The following KCNQ5 variants were observed in gnomAD, a reference collection of about 807,000 sequenced individuals.
The protein encoded by KCNQ5 is potassium voltage-gated channel subfamily KQT member 5.
Under a neutral mutation model 98.2 loss-of-function variants are expected in KCNQ5, and 30 were observed. That is an observed-to-expected ratio of 0.31 (90% CI 0.23 to 0.41). The LOEUF is 0.41. Ranked by LOEUF, KCNQ5 falls within the 10% of genes least tolerant of loss-of-function variation. KCNQ5 has a pLI of 1.00. For missense variants in KCNQ5, 835 were observed against 1,182.5 expected (o/e 0.71, Z 4.31); for synonymous variants, 458 against 449.4 (o/e 1.02, Z -0.24).
At chr6:73,021,296 C>A (rs556185374) in intron 2 of KCNQ5, among the ~76,000 whole-genome samples, 1 of 152,230 alleles carries the variant, frequency 6.6e-6, no homozygotes, top group African/African-American at 2.4e-5. Flanking sequence ...AGAATAGGAA[C>A]TATTTGTTAG....
chr6:72,690,998 G>A (rs1317497534), intron 1 of KCNQ5, among the ~76,000 whole-genome samples: 1 of 151,942 alleles, frequency 6.6e-6, no homozygotes, highest in Non-Finnish European at 1.5e-5. Context: ...AGAATTATTA[G>A]CCTCTTAACC....
intron 1 of KCNQ5, among the ~76,000 whole-genome samples, chr6:72,994,901 G>T (rs1769213529): frequency 6.6e-6 from 1 of 151,996 alleles, no homozygotes; most frequent in African/African-American, 2.4e-5. Context: ...ACAGGAGTAT[G>T]ATAAATTTTA....
rs148420937 is a variant in KCNQ5 at position 73,176,815 on chromosome 6, G to A, written c.1577+6961G>A. On this transcript the variant is annotated intron_variant, in intron 11 of 13. Transcript: ENST00000370398. ...GTGTTGAGTTCAAGCAGTCACAGTA[G>A]GGCTCAGCAGGTAGGTGGATCTCTG... Among the ~76,000 whole-genome samples, 560 of 152,274 alleles carry A rather than the reference G, an allele frequency of 3.7e-3. 5 individuals carry two copies. Among genetic ancestry groups the A allele is most frequent in the African/African-American group, 0.013 (523 of 41,552 alleles).
chr6:72,951,530 C>T (rs1156447646), intron 1 of KCNQ5, among the ~76,000 whole-genome samples: 2 of 151,732 alleles, frequency 1.3e-5, no homozygotes, highest in Non-Finnish European at 2.9e-5. Context: ...GTGATCCACC[C>T]CCTTGGCCTC....
intron 1 of KCNQ5, among the ~76,000 whole-genome samples, chr6:72,666,557 T>TA (rs1381892202): frequency 6.6e-6 from 1 of 152,190 alleles, no homozygotes; most frequent in Non-Finnish European, 1.5e-5. Context: ...AATTATTTAA[T>TA]TTCTTTTTAA....
chr6:73,193,676 A>G (rs1464511260), intron 13 of KCNQ5, among the ~76,000 whole-genome samples: 1 of 151,748 alleles, frequency 6.6e-6, no homozygotes, highest in African/African-American at 2.4e-5. Flanking sequence ...AGCATTTTGT[A>G]CCTTTATTTT....
chr6:73,027,167 G>A (rs1334470585), intron 2 of KCNQ5, among the ~76,000 whole-genome samples: 1 of 152,194 alleles, frequency 6.6e-6, no homozygotes, highest in Non-Finnish European at 1.5e-5. Context: ...CTACCTTTTA[G>A]TAGAAGTATG....
At chr6:72,640,444 G>A (rs958005614) in intron 1 of KCNQ5, among the ~76,000 whole-genome samples, 27 of 151,870 alleles carry the variant, frequency 1.8e-4, no homozygotes, top group African/African-American at 5.8e-4. Flanking sequence ...TGTGTTCAAC[G>A]AATAAATAAG....
At chr6:72,990,565 G>A (rs1338662464) in intron 1 of KCNQ5, among the ~76,000 whole-genome samples, 2 of 106,328 alleles carry the variant, frequency 1.9e-5, no homozygotes, top group East Asian at 2.7e-4. Context: ...GGGCTGAGAC[G>A]ATGGGGTTTT....
chr6:72,703,894 G>T (rs566889568), intron 1 of KCNQ5, among the ~76,000 whole-genome samples: 1 of 152,110 alleles, frequency 6.6e-6, no homozygotes, highest in Non-Finnish European at 1.5e-5. Context: ...CTCTTAAAAT[G>T]AGATTTTTAG....
At chr6:72,952,696 T>C (rs1333129219) in intron 1 of KCNQ5, among the ~76,000 whole-genome samples, 1 of 152,190 alleles carries the variant, frequency 6.6e-6, no homozygotes, top group Non-Finnish European at 1.5e-5. Flanking sequence ...ACTGATCAAA[T>C]TCTACCTTCT....
intron 1 of KCNQ5, among the ~76,000 whole-genome samples, chr6:72,878,048 A>G (rs978991538): frequency 2.0e-5 from 3 of 152,238 alleles, no homozygotes; most frequent in African/African-American, 7.2e-5. Flanking sequence ...AGGCAGGTGG[A>G]TGACTTGAGG....
At chr6:73,135,473 C>A (rs1375477699) in intron 10 of KCNQ5, 1 of 146,820 alleles carries the variant, frequency 6.8e-6, no homozygotes, top group African/African-American at 2.6e-5. Context: ...AAAAAAAAAA[C>A]TAGCCCTTCA....
At chr6:73,111,579 C>T (rs977325688) in intron 7 of KCNQ5, among the ~76,000 whole-genome samples, 176 bp downstream of exon 7, 1 of 152,192 alleles carries the variant, frequency 6.6e-6, no homozygotes. Context: ...TTTGTTCCTC[C>T]TCTCCCAAAC....
At chr6:72,777,114 C>G (rs570139107) in intron 1 of KCNQ5, among the ~76,000 whole-genome samples, 23 of 152,322 alleles carry the variant, frequency 1.5e-4, no homozygotes, top group Non-Finnish European at 1.5e-5. Context: ...ATGAAACCAA[C>G]AATGCTAGAT....
intron 5 of KCNQ5, 51 bp from the exon 6 acceptor site, chr6:73,105,205 TA>T (rs1562181540): frequency 1.9e-6 from 2 of 1,056,676 alleles, no homozygotes; most frequent in Admixed American, 4.1e-5. Flanking sequence ...TCATAGGTCC[TA>T]ACTTTCCTCT....
At chr6:72,667,350 G>A (rs185262814) in intron 1 of KCNQ5, among the ~76,000 whole-genome samples, 9 of 152,228 alleles carry the variant, frequency 5.9e-5, no homozygotes, top group East Asian at 1.9e-4. Context: ...ACTCAGATTC[G>A]TATCCCGACT....
intron 1 of KCNQ5, among the ~76,000 whole-genome samples, chr6:72,984,183 G>A (rs564476300): frequency 6.6e-6 from 1 of 152,338 alleles, no homozygotes; most frequent in East Asian, 1.9e-4. Flanking sequence ...CACTTGAGGA[G>A]GCAGTGTGTC....
intron 1 of KCNQ5, among the ~76,000 whole-genome samples, chr6:72,917,993 C>G (rs970788596): frequency 1.3e-5 from 2 of 152,136 alleles, no homozygotes; most frequent in Non-Finnish European, 2.9e-5. Flanking sequence ...GCCCACTAGA[C>G]GCAATAGCAC....
Sources: gnomAD v4.1 joint callset for allele counts (sites outside exome capture counted in the v4.1 genomes callset) on GRCh38, gnomAD v4.1.1 for gene constraint, MANE v1.5 for transcripts, NCBI Gene and HGNC (gene_info 2026-07-23, HGNC 2026-07-21) for gene names.